The following TAS2R1 variants were observed in gnomAD, a reference collection of about 807,000 sequenced individuals.
TAS2R1 encodes the protein taste receptor type 2 member 1.
For missense variants in TAS2R1, 370 were observed against 353.4 expected (o/e 1.05, Z -0.38); for synonymous variants, 141 against 134.2 (o/e 1.05, Z -0.35).
At chr5:9,849,049 T>C in the TAS2R1 span, among the ~76,000 whole-genome samples, 1 of 152,328 alleles carries the variant, frequency 6.6e-6, no homozygotes, top group East Asian at 1.9e-4. Context: ...CAGAGGAATG[T>C]GAGGAGCTGG....
the TAS2R1 span, among the ~76,000 whole-genome samples, chr5:9,827,246 T>C: frequency 3.9e-5 from 6 of 152,050 alleles, no homozygotes; most frequent in African/African-American, 1.4e-4. Context: ...GTCACCTCCT[T>C]TCTTACCCAC....
the TAS2R1 span, among the ~76,000 whole-genome samples, chr5:9,831,158 G>A: frequency 6.6e-6 from 1 of 152,152 alleles, no homozygotes. Context: ...GGTGACAGGG[G>A]AAACAGATTG....
chr5:9,847,155 A>G, the TAS2R1 span, among the ~76,000 whole-genome samples: 1 of 152,336 alleles, frequency 6.6e-6, no homozygotes, highest in East Asian at 1.9e-4. Context: ...ATCCAAGTTG[A>G]TCTTCCTCTC....
chr5:9,655,020 A>G (rs1221964499), intron 2 of TAS2R1, among the ~76,000 whole-genome samples: 1 of 152,222 alleles, frequency 6.6e-6, no homozygotes, highest in East Asian at 1.9e-4. Flanking sequence ...ACAAAAAAAC[A>G]CTGCATTAGG....
intron 2 of TAS2R1, among the ~76,000 whole-genome samples, chr5:9,637,878 T>C (rs1188614250): frequency 6.6e-6 from 1 of 152,258 alleles, no homozygotes; most frequent in Non-Finnish European, 1.5e-5. Flanking sequence ...CTCTGGTATC[T>C]TCTTAAGCAG....
the TAS2R1 span, among the ~76,000 whole-genome samples, chr5:9,888,005 C>G: frequency 6.6e-6 from 1 of 152,078 alleles, no homozygotes; most frequent in Non-Finnish European, 1.5e-5. Context: ...GAACTCAGTA[C>G]CAGGTTTAAT....
At chr5:9,757,913 T>C in the TAS2R1 span, among the ~76,000 whole-genome samples, 1 of 140,116 alleles carries the variant, frequency 7.1e-6, no homozygotes, top group Non-Finnish European at 1.6e-5. Context: ...AGGCTATTTT[T>C]TTCATGAGAA....
the TAS2R1 span, among the ~76,000 whole-genome samples, chr5:9,788,321 G>A: frequency 1.3e-5 from 2 of 152,192 alleles, no homozygotes; most frequent in African/African-American, 2.4e-5. Flanking sequence ...CACCCGATAA[G>A]CAGCTTAAGG....
chr5:9,772,090 A>G, the TAS2R1 span, among the ~76,000 whole-genome samples: 1 of 151,778 alleles, frequency 6.6e-6, no homozygotes, highest in Non-Finnish European at 1.5e-5. Context: ...AAGATGCACC[A>G]TTAGGTTGTT....
At chr5:9,824,834 T>G in the TAS2R1 span, among the ~76,000 whole-genome samples, 26 of 58,650 alleles carry the variant, frequency 4.4e-4, no homozygotes, top group South Asian at 1.6e-3. Context: ...GCAACAAGAG[T>G]GAAAACTCTG....
At chr5:9,704,763 ACACT>A (rs1741565569) in intron 1 of TAS2R1, among the ~76,000 whole-genome samples, 1 of 152,230 alleles carries the variant, frequency 6.6e-6, no homozygotes, top group Admixed American at 6.5e-5. Flanking sequence ...AATTTTAATA[ACACT>A]CAAGGATGAT....
At chr5:9,826,471 T>C in the TAS2R1 span, among the ~76,000 whole-genome samples, 1 of 152,230 alleles carries the variant, frequency 6.6e-6, no homozygotes. Flanking sequence ...CTGGAAACTA[T>C]TTCATTGGTT....
upstream of TAS2R1, among the ~76,000 whole-genome samples, chr5:9,633,294 T>TTA (rs200096603): frequency 0.049 from 3,327 of 67,642 alleles, 242 homozygotes; most frequent in African/African-American, 0.077. Context: ...TGTGTGTATA[T>TTA]TATATATATA....
At chr5:9,669,278 G>A (rs143696408) in intron 1 of TAS2R1, among the ~76,000 whole-genome samples, 33 of 152,168 alleles carry the variant, frequency 2.2e-4, no homozygotes, top group Non-Finnish European at 3.1e-4. Flanking sequence ...CTTAGACACC[G>A]ACAAAGAGAC....
chr5:9,727,170 T>C, the TAS2R1 span, among the ~76,000 whole-genome samples: 24 of 152,216 alleles, frequency 1.6e-4, no homozygotes, highest in African/African-American at 9.6e-5. Flanking sequence ...GCCTTTCATA[T>C]TGTAGACAGT....
chr5:9,669,629 A>G (rs1171303736), intron 1 of TAS2R1, among the ~76,000 whole-genome samples: 1 of 152,208 alleles, frequency 6.6e-6, no homozygotes. Context: ...ATACAATTAC[A>G]TGGAAATTAA....
At chr5:9,886,909 C>A in the TAS2R1 span, among the ~76,000 whole-genome samples, 1 of 152,254 alleles carries the variant, frequency 6.6e-6, no homozygotes, top group Admixed American at 6.5e-5. Context: ...GGAACATCTA[C>A]GTAACCATCA....
the TAS2R1 span, among the ~76,000 whole-genome samples, chr5:9,780,195 C>T: frequency 1.3e-5 from 2 of 151,994 alleles, no homozygotes; most frequent in East Asian, 3.9e-4. Flanking sequence ...AGTTACCTGA[C>T]CTGCAGCTCT....
chr5:9,729,752 CTTAA>C, the TAS2R1 span, among the ~76,000 whole-genome samples: 1 of 152,164 alleles, frequency 6.6e-6, no homozygotes, highest in African/African-American at 2.4e-5. Context: ...TCCTCAACGA[CTTAA>C]TTGACAGAAA....
Sources: allele counts gnomAD v4.1 joint callset (sites outside exome capture counted in the v4.1 genomes callset), GRCh38; gene constraint gnomAD v4.1.1; transcripts MANE v1.5; gene names NCBI Gene and HGNC (gene_info 2026-07-23, HGNC 2026-07-21).